Variants in DOCK10 observed in about 807,000 individuals in gnomAD.
The protein encoded by DOCK10 is dedicator of cytokinesis 10.
DOCK10 carries 145 observed loss-of-function variants against 280.1 expected under a neutral mutation model. The ratio of observed to expected loss-of-function variants is 0.52; its 90% CI spans 0.45 to 0.59. DOCK10 has a LOEUF of 0.59. Ranked by LOEUF, DOCK10 falls within the 20% of genes least tolerant of loss-of-function variation. The pLI is 0.00. For synonymous variants in DOCK10, 915 were observed against 942.2 expected (o/e 0.97, Z 0.53); for missense variants, 2,368 against 2,651.7 (o/e 0.89, Z 2.35).
Position 224,809,669 on chromosome 2 carries a change from T to C in DOCK10, c.3410-1583A>G, listed in dbSNP as rs1396577059. ...AAAACCACAATGCACTATTACCTCA[T>C]AGTTTTTAGGATGGCTATTATCAGA... On this transcript the variant is annotated intron_variant, in intron 31 of 55. Transcript: ENST00000258390. Among the ~76,000 whole-genome samples the C allele has an allele frequency of 2.6e-5, 4 of 152,092 alleles. No homozygotes were observed. In the East Asian group the frequency reaches 5.8e-4, roughly 22 times the overall value.
At chr2:224,916,911 C>T in intron 2 of DOCK10, 127 bp from the exon 3 acceptor site, 1 of 677,460 alleles carries the variant, frequency 1.5e-6, no homozygotes. Context: ...GACAGAGACA[C>T]TTCTGTAGTT....
intron 31 of DOCK10, 88 bp from the exon 32 acceptor site, chr2:224,808,174 A>G: frequency 8.4e-7 from 1 of 1,192,834 alleles, no homozygotes; most frequent in East Asian, 2.5e-5. Flanking sequence ...ACTACCATCA[A>G]CTTCTTCCAC....
At chr2:224,885,049 G>A (rs2125749976) in intron 7 of DOCK10, among the ~76,000 whole-genome samples, 2 of 152,288 alleles carry the variant, frequency 1.3e-5, no homozygotes, top group Admixed American at 1.3e-4. Flanking sequence ...ACCCAGTCTG[G>A]AGTGCAGTGG....
At chr2:224,956,840 C>T (rs1471895253) in intron 1 of DOCK10, among the ~76,000 whole-genome samples, 2 of 152,098 alleles carry the variant, frequency 1.3e-5, no homozygotes, top group Non-Finnish European at 2.9e-5. Flanking sequence ...CAAATATTCT[C>T]TTTTCCTAAT....
chr2:224,800,329 T>G lies in DOCK10; in HGVS notation c.4394-66A>C, dbSNP rs184123333. The G allele has an allele frequency of 3.4e-6, 3 of 888,674 alleles. No individual in the cohort carries two copies. In the East Asian group the frequency reaches 8.0e-5, roughly 24 times the overall value. The allele number at this position is 888,674 out of a possible 1,614,324, so 55.0% of individuals were successfully genotyped here. A position where few individuals can be genotyped will look rare whatever the true frequency, so the allele number is the denominator to read the frequency against. The stretch of plus-strand genomic sequence containing the variant: ...AATGCTTTGTACCCTATAAAGGATT[T>G]CCTTTCATTACAATATATTCAAAGT... On this transcript the variant is annotated intron_variant, in intron 40 of 55. Coordinates refer to ENST00000258390, the MANE Select transcript of DOCK10 (RefSeq NM_014689.3).
chr2:224,991,025 A>G (rs1195991471), intron 1 of DOCK10, among the ~76,000 whole-genome samples: 5 of 152,248 alleles, frequency 3.3e-5, no homozygotes, highest in Non-Finnish European at 5.9e-5. Context: ...CTAAGCTCAC[A>G]GTGACTTTTG....
intron 1 of DOCK10, among the ~76,000 whole-genome samples, chr2:225,040,742 T>C (rs1289891019): frequency 3.9e-5 from 6 of 152,196 alleles, no homozygotes; most frequent in African/African-American, 1.4e-4. Flanking sequence ...GTCAAGGGAA[T>C]GGCAGAAAAT....
intron 3 of DOCK10, among the ~76,000 whole-genome samples, chr2:224,898,695 G>A (rs1463535612): frequency 1.3e-5 from 2 of 152,146 alleles, no homozygotes; most frequent in South Asian, 2.1e-4. Flanking sequence ...TCCTGCCTCC[G>A]CCTCCGGAGT....
At chr2:225,024,664 C>T (rs1049102118) in intron 1 of DOCK10, among the ~76,000 whole-genome samples, 1 of 151,172 alleles carries the variant, frequency 6.6e-6, no homozygotes. Flanking sequence ...CCGAGGTGGG[C>T]GGATGCCAGG....
At chr2:224,998,667 T>C (rs1215770357) in intron 1 of DOCK10, among the ~76,000 whole-genome samples, 1 of 152,168 alleles carries the variant, frequency 6.6e-6, no homozygotes, top group Non-Finnish European at 1.5e-5. Flanking sequence ...TTCTTTCACC[T>C]TCCCTCACTG....
In DOCK10 at chr2:224,843,559, C is replaced by T. The variant is rs114707423; in HGVS notation, c.2568+1194G>A. Among the ~76,000 whole-genome samples, 1,449 of 151,608 alleles carry T rather than the reference C, an allele frequency of 9.6e-3. 14 individuals are homozygous for T. The highest frequency in any genetic ancestry group is 0.033 in the African/African-American group (1,363 of 41,294). On this transcript the variant is annotated intron_variant, in intron 22 of 55. Transcript: ENST00000258390. ...TTGGACTTGAAGCCTCAGAGGTTGC[C>T]GAGAGAAATTTTGGTCCAATGTATA...
chr2:224,887,094 T>C (rs1468416777), intron 4 of DOCK10, among the ~76,000 whole-genome samples: 1 of 152,146 alleles, frequency 6.6e-6, no homozygotes, highest in East Asian at 1.9e-4. Context: ...ACATATCTTT[T>C]TGAGTTAGAT....
chr2:224,996,727 A>G (rs762486766), intron 1 of DOCK10, among the ~76,000 whole-genome samples: 10 of 152,246 alleles, frequency 6.6e-5, no homozygotes, highest in Non-Finnish European at 1.2e-4. Context: ...TTAATAGTGA[A>G]GAGGTCCCAT....
At position 224,916,737 on chromosome 2, in the gene DOCK10, A is replaced by C; in HGVS notation, c.291T>G (p.Pro97=). The part of the protein sequence containing the change: ...WDIRTLYSTV[P]EDAEHKAENL... ...TTTCTGCCTTGTGCTCTGCATCTTC[A>C]GGTACTGTTGAGTACAACGTGCGGA... The change falls in exon 3 of 56, where the codon CCT becomes CCG. Residue 97 remains proline, a synonymous_variant. Transcript: ENST00000258390. 1 of 1,611,586 alleles carries C rather than the reference A, an allele frequency of 6.2e-7. No homozygotes were observed. Among genetic ancestry groups the C allele is most frequent in the Non-Finnish European group, 8.5e-7 (1 of 1,178,826 alleles).
At chr2:224,766,707 A>G (rs1332948949) in intron 55 of DOCK10, among the ~76,000 whole-genome samples, 2 of 152,202 alleles carry the variant, frequency 1.3e-5, no homozygotes, top group African/African-American at 4.8e-5. Flanking sequence ...TGTTATTCTT[A>G]CTGAATGTTG....
intron 1 of DOCK10, among the ~76,000 whole-genome samples, chr2:225,039,412 A>C (rs1251604995): frequency 1.3e-5 from 2 of 152,186 alleles, no homozygotes; most frequent in African/African-American, 4.8e-5. Flanking sequence ...ATAATGAAGG[A>C]GCAAATATTT....
At position 224,973,022 on chromosome 2, in the gene DOCK10, AAAGT is replaced by A. The variant is rs144606076; in HGVS notation, c.124-41358_124-41355del. ...CATTTTTACACATTTTATGAAGCACAAAGTAAGTTTCTGCTTAACAGATTCTTTT... is the reference window on the plus strand; with the variant it reads ...CATTTTTACACATTTTATGAAGCACAAAGTTTCTGCTTAACAGATTCTTTT... On this transcript the variant is annotated intron_variant, in intron 1 of 55. Coordinates refer to ENST00000258390, the MANE Select transcript of DOCK10 (RefSeq NM_014689.3). Among the ~76,000 whole-genome samples, 11 of 152,370 alleles carry A rather than the reference AAAGT, an allele frequency of 7.2e-5. No homozygotes were observed. The East Asian group carries it at 1.9e-3, about 27-fold the overall frequency.
rs150051470 is a variant in DOCK10 at position 224,948,944 on chromosome 2, C to G, written c.124-17276G>C. On this transcript the variant is annotated intron_variant, in intron 1 of 55. Coordinates refer to ENST00000258390, the MANE Select transcript of DOCK10 (RefSeq NM_014689.3). ...TCTTTAGGCACCACAGTTCTTTATCCTAGAGTTCCTCCCACTTTTCAACTT... is the reference window on the plus strand; with the variant it reads ...TCTTTAGGCACCACAGTTCTTTATCGTAGAGTTCCTCCCACTTTTCAACTT... Among the ~76,000 whole-genome samples, 61 of 152,270 alleles carry G rather than the reference C, an allele frequency of 4.0e-4. 1 individual carries two copies. The East Asian group carries it at 0.012, about 29-fold the overall frequency.
chr2:225,007,835 A>G (rs1473257905), intron 1 of DOCK10, among the ~76,000 whole-genome samples: 3 of 152,234 alleles, frequency 2.0e-5, no homozygotes, highest in Admixed American at 2.0e-4. Context: ...TAAGACTACA[A>G]CAGGCTTGAC....
Sources: allele counts gnomAD v4.1 joint callset (sites outside exome capture counted in the v4.1 genomes callset), GRCh38; gene constraint gnomAD v4.1.1; transcripts MANE v1.5; gene names NCBI Gene and HGNC (gene_info 2026-07-23, HGNC 2026-07-21).